CDKAL1: variants seen among roughly 807,000 people sequenced by gnomAD.
CDKAL1 encodes the protein CDKAL1 threonylcarbamoyladenosine tRNA methylthiotransferase.
CDKAL1 carries 32 observed loss-of-function variants against 68.2 expected under a neutral mutation model. The ratio of observed to expected loss-of-function variants is 0.47; its 90% CI spans 0.35 to 0.63. The LOEUF (loss-of-function observed/expected upper bound fraction) is 0.63, where lower values mean the gene tolerates loss of function less well. CDKAL1 is among the 30% of genes least tolerant of loss of function. The probability of loss-of-function intolerance (pLI) is 0.00; values close to 1 mark genes in which losing one functional copy is unlikely to be tolerated. For missense variants in CDKAL1, 606 were observed against 696.7 expected (o/e 0.87, Z 1.47); for synonymous variants, 234 against 244.3 (o/e 0.96, Z 0.39).
intron 11 of CDKAL1, among the ~76,000 whole-genome samples, chr6:21,036,917 C>T (rs1769625979): frequency 6.6e-6 from 1 of 152,026 alleles, no homozygotes; most frequent in South Asian, 2.1e-4. Context: ...ATGTCTTCAA[C>T]TAAGTAAGTA....
chr6:20,774,593 C>A (rs954051793), intron 7 of CDKAL1, among the ~76,000 whole-genome samples: 4 of 152,080 alleles, frequency 2.6e-5, no homozygotes, highest in African/African-American at 9.7e-5. Flanking sequence ...TCCTGAAGAT[C>A]GATAGACAGC....
At chr6:20,653,618 A>ATT (rs140223481) in intron 5 of CDKAL1, among the ~76,000 whole-genome samples, 31 of 138,426 alleles carry the variant, frequency 2.2e-4, no homozygotes, top group East Asian at 8.5e-4. Context: ...CACCCGGCTA[A>ATT]TTTTTTTTTT....
At chr6:20,565,071 C>T (rs534380480) in intron 4 of CDKAL1, among the ~76,000 whole-genome samples, 1 of 152,204 alleles carries the variant, frequency 6.6e-6, no homozygotes, top group African/African-American at 2.4e-5. Flanking sequence ...CAGCCTATTA[C>T]ATCCAATGTA....
At chr6:20,713,376 C>G (rs939560470) in intron 5 of CDKAL1, among the ~76,000 whole-genome samples, 6 of 152,100 alleles carry the variant, frequency 3.9e-5, no homozygotes, top group Non-Finnish European at 8.8e-5. Context: ...ATACTCGTAT[C>G]TTAATTATTT....
chr6:20,984,303 C>G (rs1279421810), intron 10 of CDKAL1, among the ~76,000 whole-genome samples: 1 of 152,108 alleles, frequency 6.6e-6, no homozygotes, highest in African/African-American at 2.4e-5. Context: ...CTGCTGTGTT[C>G]CACAGCTCAT....
At chr6:20,780,670 C>CTT (rs1223553462) in intron 7 of CDKAL1, among the ~76,000 whole-genome samples, 29 of 38,178 alleles carry the variant, frequency 7.6e-4, no homozygotes, top group African/African-American at 2.0e-3. Context: ...ATTTCTTTTT[C>CTT]TTTTTTTTTT....
intron 12 of CDKAL1, among the ~76,000 whole-genome samples, chr6:21,068,300 G>T (rs1432409670): frequency 6.6e-6 from 1 of 152,028 alleles, no homozygotes; most frequent in Non-Finnish European, 1.5e-5. Flanking sequence ...CCATCATAAA[G>T]ATACCCCTCA....
At chr6:20,885,467 G>A (rs1488321487) in intron 9 of CDKAL1, among the ~76,000 whole-genome samples, 1 of 152,084 alleles carries the variant, frequency 6.6e-6, no homozygotes, top group Non-Finnish European at 1.5e-5. Context: ...AAAGAACAAA[G>A]TTAGACCCCT....
At chr6:20,874,943 T>A (rs929510567) in intron 9 of CDKAL1, among the ~76,000 whole-genome samples, 6 of 152,080 alleles carry the variant, frequency 3.9e-5, no homozygotes, top group Admixed American at 2.0e-4. Context: ...CAAAGAGAGG[T>A]TGTGTCAAAA....
At chr6:20,700,906 T>G (rs1045563066) in intron 5 of CDKAL1, among the ~76,000 whole-genome samples, 1 of 151,758 alleles carries the variant, frequency 6.6e-6, no homozygotes, top group African/African-American at 2.4e-5. Context: ...GTTTTTTTTT[T>G]TTTTTACACT....
chr6:20,636,608 G>T (rs990642247), intron 4 of CDKAL1, among the ~76,000 whole-genome samples: 5 of 152,154 alleles, frequency 3.3e-5, no homozygotes, highest in East Asian at 1.9e-4. Context: ...AGGGATGGAT[G>T]GGATCATCTA....
Position 20,675,673 on chromosome 6 carries a change from A to G in CDKAL1, c.371+26296A>G, listed in dbSNP as rs1023636740. ...GCTGCCAATTGTGTAAAAGTATAGC[A>G]CGTACAATCGTGTACATACATAATA... On this transcript the variant is annotated intron_variant, in intron 5 of 15. Coordinates refer to ENST00000274695, the MANE Select transcript of CDKAL1 (RefSeq NM_017774.3). Among the ~76,000 whole-genome samples, 3 of 152,348 alleles carry G rather than the reference A, an allele frequency of 2.0e-5. 1 individual carries two copies. Among genetic ancestry groups the G allele is most frequent in the Admixed American group, 2.0e-4 (3 of 15,296 alleles).
chr6:20,540,523 T>C (rs1174698221), intron 2 of CDKAL1, among the ~76,000 whole-genome samples: 1 of 151,746 alleles, frequency 6.6e-6, no homozygotes, highest in Non-Finnish European at 1.5e-5. Flanking sequence ...TGGTGCAATC[T>C]CAGCTCACTG....
At chr6:21,015,090 G>A (rs988957882) in intron 11 of CDKAL1, among the ~76,000 whole-genome samples, 1 of 152,120 alleles carries the variant, frequency 6.6e-6, no homozygotes, top group African/African-American at 2.4e-5. Flanking sequence ...AACAATCCCA[G>A]GTGTCTAGTA....
rs185513354 is a variant in CDKAL1 at position 20,728,849 on chromosome 6, T to G, written c.372-10670T>G. Among the ~76,000 whole-genome samples, 392 of 152,302 alleles carry G rather than the reference T, an allele frequency of 2.6e-3. 4 individuals are homozygous for G. Among genetic ancestry groups the G allele is most frequent in the African/African-American group, 8.8e-3 (367 of 41,580 alleles). On this transcript the variant is annotated intron_variant, in intron 5 of 15. Transcript: ENST00000274695. ...CATTTTTATTAGAATGCTTACTCTT[T>G]TTTCTTTTCTTTTCTTTCTTTTTTT...
intron 10 of CDKAL1, among the ~76,000 whole-genome samples, chr6:20,978,507 C>A (rs780185614): frequency 6.6e-6 from 1 of 152,080 alleles, no homozygotes; most frequent in Non-Finnish European, 1.5e-5. Flanking sequence ...TGACTAATAA[C>A]GCAAAATACT....
intron 12 of CDKAL1, among the ~76,000 whole-genome samples, chr6:21,102,736 G>T (rs79748071): frequency 0.075 from 11,456 of 151,952 alleles, 490 homozygotes; most frequent in South Asian, 0.095. Context: ...ATTTTTTTTG[G>T]GCATAACTCT....
At chr6:20,621,523 G>C (rs949360551) in intron 4 of CDKAL1, among the ~76,000 whole-genome samples, 2 of 152,078 alleles carry the variant, frequency 1.3e-5, no homozygotes, top group African/African-American at 4.8e-5. Flanking sequence ...CCCTTTTTTA[G>C]AGTGGTGTAT....
intron 5 of CDKAL1, 103 bp downstream of exon 5, chr6:20,649,480 TA>T: frequency 3.2e-6 from 2 of 616,120 alleles, no homozygotes; most frequent in Non-Finnish European, 5.5e-6. Flanking sequence ...TAGTTTATAT[TA>T]AAAAAGTATG....
Sources: allele counts gnomAD v4.1 joint callset (sites outside exome capture counted in the v4.1 genomes callset), GRCh38; gene constraint gnomAD v4.1.1; transcripts MANE v1.5; gene names NCBI Gene and HGNC (gene_info 2026-07-23, HGNC 2026-07-21).